The following MIB1 variants were observed in gnomAD, a reference collection of about 807,000 sequenced individuals.
MIB1 encodes the protein MIB E3 ubiquitin protein ligase 1, also known as E3 ubiquitin-protein ligase MIB1.
A neutral mutation model predicts 124.5 loss-of-function variants in MIB1; 278 were observed. That is an observed-to-expected ratio of 2.23 (90% CI 2.02 to 2.47). The LOEUF (loss-of-function observed/expected upper bound fraction) is 2.47. MIB1 is among the 30% of genes most tolerant of loss of function. The pLI is 0.00. For synonymous variants in MIB1, 446 were observed against 429.4 expected (o/e 1.04, Z -0.48); for missense variants, 957 against 1,254.4 (o/e 0.76, Z 3.58).
At chr18:21,824,278 A>AG in intron 12 of MIB1, among the ~76,000 whole-genome samples, 1 of 152,296 alleles carries the variant, frequency 6.6e-6, no homozygotes, top group East Asian at 1.9e-4. Flanking sequence ...ATTCCCACAA[A>AG]GACACATATT....
chr18:21,829,111 A>G (rs1307951686), intron 12 of MIB1: 1 of 435,204 alleles, frequency 2.3e-6, no homozygotes, highest in Non-Finnish European at 4.6e-6. Flanking sequence ...TTAGCTGTAA[A>G]AACATGAAAT....
chr18:21,842,469 A>ACTC (rs139255888), intron 13 of MIB1, among the ~76,000 whole-genome samples: 2,583 of 152,292 alleles, frequency 0.017, 67 homozygotes, highest in African/African-American at 0.055. Flanking sequence ...CTGAGGAAGT[A>ACTC]GATGATGGAG....
intron 6 of MIB1, among the ~76,000 whole-genome samples, chr18:21,784,145 T>G (rs2041405622): frequency 6.6e-6 from 1 of 150,946 alleles, no homozygotes; most frequent in Admixed American, 6.6e-5. Flanking sequence ...GACTCCCTGG[T>G]TCAGACAATT....
chr18:21,707,468 G>C (rs1398480570), intron 1 of MIB1, among the ~76,000 whole-genome samples: 1 of 152,212 alleles, frequency 6.6e-6, no homozygotes, highest in South Asian at 2.1e-4. Flanking sequence ...CGTTGTGGAA[G>C]CTTTGTCCTT....
At chr18:21,733,747 C>T (rs973884977) in intron 1 of MIB1, among the ~76,000 whole-genome samples, 1 of 151,888 alleles carries the variant, frequency 6.6e-6, no homozygotes, top group Admixed American at 6.6e-5. Flanking sequence ...CTCTTGTCAC[C>T]CAGGCTGGAG....
Position 21,741,662 on chromosome 18 carries a change from G to A in MIB1, c.79G>A (p.Gly27Arg). 2 of 1,611,234 alleles carry A rather than the reference G, an allele frequency of 1.2e-6. No homozygotes were observed. Among genetic ancestry groups the A allele is most frequent in the Non-Finnish European group, 1.7e-6 (2 of 1,179,272 alleles). ...RVVRGPDWKW[G>R]KQDGGEGHVG... Reference sequence around the variant, plus strand: ...AGTGCGCGGCCCGGACTGGAAGTGGGGGAAGCAGGACGGCGGCGAGGGCCA... The same window carrying A: ...AGTGCGCGGCCCGGACTGGAAGTGGAGGAAGCAGGACGGCGGCGAGGGCCA... The change falls in exon 1 of 21, where the codon GGG becomes AGG. Residue 27 changes from glycine (G) to arginine (R), a missense_variant. Physicochemically the swap from Gly to Arg is moderately radical, Grantham distance 125. Coordinates refer to ENST00000261537, the MANE Select transcript of MIB1 (RefSeq NM_020774.4). This position sits in a 1 kb window ranked among gnomAD's most constrained non-coding sequence, Gnocchi z 5.4.
chr18:21,865,459 C>G lies in MIB1; in HGVS notation c.*793C>G, dbSNP rs183127647. 1.3e-5 allele frequency: 2 copies of G among 151,990 alleles called. No individual in the cohort carries two copies. Among genetic ancestry groups the G allele is most frequent in the Admixed American group, 1.3e-4 (2 of 15,268 alleles). 9.4% of individuals were successfully genotyped at this position (151,990 alleles called of 1,614,324 possible). ...TGCCTTTCTTACATTAATTTATACA[C>G]TATTTTGTTCAGCCAGTGTTTTTAA... is the stretch of plus-strand genomic sequence containing the variant. On this transcript the variant is annotated 3_prime_UTR_variant, in exon 21 of 21. Transcript: ENST00000261537.
Position 21,803,898 on chromosome 18 carries a change from AAAATGTAGGT to A in MIB1, c.1372-3_1378del. The A allele has an allele frequency of 6.2e-7, 1 of 1,601,334 alleles. No individual in the cohort carries two copies. The highest frequency in any genetic ancestry group is 8.5e-7 in the Non-Finnish European group (1 of 1,170,360). ...TTCATTCTTTCATTCTTTTTTTTAA[AAAATGTAGGT>A]AAATGGGCAATGTGCTGGCCACACA... On this transcript the variant is annotated splice_acceptor_variant and splice_polypyrimidine_tract_variant and coding_sequence_variant and intron_variant, in exon 10 of 21. Coordinates refer to ENST00000261537, the MANE Select transcript of MIB1 (RefSeq NM_020774.4). LOFTEE classifies it high-confidence loss of function.
intron 12 of MIB1, among the ~76,000 whole-genome samples, chr18:21,837,205 C>T (rs568233430): frequency 6.6e-6 from 1 of 152,206 alleles, no homozygotes; most frequent in South Asian, 2.1e-4. Context: ...GTTCATAAAC[C>T]TGTTTAAAAA....
At chr18:21,786,019 A>G (rs186481044) in intron 6 of MIB1, among the ~76,000 whole-genome samples, 61 of 150,712 alleles carry the variant, frequency 4.0e-4, no homozygotes, top group African/African-American at 1.3e-3. Context: ...CTTCTCTTCT[A>G]TTGCTTATTT....
In MIB1 at chr18:21,781,524, T is replaced by C. The variant is rs2041368216; in HGVS notation, c.908+1839T>C. ...CGTCTCCCAGGTTCAAATGATTCTC[T>C]TGCCTCAGCCTCCCAAGTAGCTGGG... On this transcript the variant is annotated intron_variant, in intron 6 of 20. Transcript: ENST00000261537. Among the ~76,000 whole-genome samples, 6 of 150,954 alleles carry C rather than the reference T, an allele frequency of 4.0e-5. No individual in the cohort carries two copies. The South Asian group carries it at 1.2e-3, about 31-fold the overall frequency.
intron 1 of MIB1, chr18:21,712,259 A>G (rs1430258290): frequency 6.6e-6 from 1 of 152,342 alleles, no homozygotes; most frequent in Non-Finnish European, 1.5e-5. Flanking sequence ...ATTTCAAAGG[A>G]GAAATCAGAA....
chr18:21,844,401 C>T, intron 15 of MIB1, 148 bp downstream of exon 15: 3 of 796,862 alleles, frequency 3.8e-6, no homozygotes, highest in Non-Finnish European at 5.9e-6. Context: ...TAGTACTAGT[C>T]AGTACTAACT....
At chr18:21,793,261 T>C (rs1300902010) in intron 7 of MIB1, among the ~76,000 whole-genome samples, 1 of 152,158 alleles carries the variant, frequency 6.6e-6, no homozygotes, top group African/African-American at 2.4e-5. Context: ...ATGGAACTAG[T>C]GTGGGCCTTT....
intron 12 of MIB1, among the ~76,000 whole-genome samples, chr18:21,824,119 A>G (rs1250115980): frequency 2.0e-5 from 3 of 152,196 alleles, no homozygotes; most frequent in East Asian, 1.9e-4. Context: ...ATATAATTAT[A>G]AAGTTTATAT....
chr18:21,779,465 G>C lies in MIB1; in HGVS notation c.704-16G>C. On this transcript the variant is annotated splice_polypyrimidine_tract_variant and intron_variant, in intron 5 of 20. Transcript: ENST00000261537. Reference sequence around the variant, plus strand: ...GGTTTTTTTCTCCCTTTATTCAATTGCCTCTGAAATTACAGGTGAGCAGAA... The same window carrying C: ...GGTTTTTTTCTCCCTTTATTCAATTCCCTCTGAAATTACAGGTGAGCAGAA... 6.2e-7 allele frequency: 1 copy of C among 1,609,938 alleles called. No individual in the cohort carries two copies. Among genetic ancestry groups the C allele is most frequent in the Non-Finnish European group, 8.5e-7 (1 of 1,176,350 alleles).
At chr18:21,800,099 A>C in intron 9 of MIB1, 125 bp downstream of exon 9, 1 of 702,230 alleles carries the variant, frequency 1.4e-6, no homozygotes, top group Non-Finnish European at 2.2e-6. Flanking sequence ...TGTTTTTGTG[A>C]AGTATTTTAA....
intron 1 of MIB1, among the ~76,000 whole-genome samples, chr18:21,730,578 A>G (rs914362995): frequency 6.6e-6 from 1 of 151,886 alleles, no homozygotes; most frequent in Non-Finnish European, 1.5e-5. Flanking sequence ...AAAAAAACCA[A>G]CCATACCGTG....
chr18:21,782,984 TC>T (rs1163044791), intron 6 of MIB1, among the ~76,000 whole-genome samples: 3 of 152,186 alleles, frequency 2.0e-5, no homozygotes, highest in Non-Finnish European at 4.4e-5. Flanking sequence ...AATTGTTATA[TC>T]CTTTTGCTGA....
Sources: allele counts gnomAD v4.1 joint callset (sites outside exome capture counted in the v4.1 genomes callset), GRCh38; gene constraint gnomAD v4.1.1; non-coding constraint Gnocchi (gnomAD v3.1); transcripts MANE v1.5; gene names NCBI Gene and HGNC (gene_info 2026-07-23, HGNC 2026-07-21).